Variants in BNC2 observed in about 807,000 individuals in gnomAD.
The protein encoded by BNC2 is basonuclin zinc finger protein 2, also known as zinc finger protein basonuclin-2.
In BNC2, 20 loss-of-function variants were observed where a neutral mutation model predicts 76.3. The ratio of observed to expected loss-of-function variants is 0.26; its 90% CI spans 0.18 to 0.38. BNC2 has a LOEUF of 0.38. Ranked by LOEUF, BNC2 falls within the 10% of genes least tolerant of loss-of-function variation. The pLI is 1.00. For synonymous variants in BNC2, 582 were observed against 514.8 expected (o/e 1.13, Z -1.77); for missense variants, 1,382 against 1,399.8 (o/e 0.99, Z 0.20).
intron 5 of BNC2, among the ~76,000 whole-genome samples, chr9:16,441,014 A>G (rs903837670): frequency 6.6e-6 from 1 of 152,232 alleles, no homozygotes; most frequent in African/African-American, 2.4e-5. Flanking sequence ...TGATAGTGCC[A>G]TAGGTGTCCT....
intron 3 of BNC2, among the ~76,000 whole-genome samples, chr9:16,646,881 T>G (rs1483769139): frequency 6.6e-6 from 1 of 152,170 alleles, no homozygotes; most frequent in Non-Finnish European, 1.5e-5. Flanking sequence ...TACTGGGATG[T>G]CATCCATAGC....
At chr9:16,468,915 T>C (rs1255081116) in intron 5 of BNC2, among the ~76,000 whole-genome samples, 2 of 152,168 alleles carry the variant, frequency 1.3e-5, no homozygotes, top group Non-Finnish European at 2.9e-5. Flanking sequence ...ATTGCAATTG[T>C]CAGTTTGCAT....
intron 4 of BNC2, among the ~76,000 whole-genome samples, chr9:16,557,544 C>T (rs184581657): frequency 9.9e-5 from 15 of 151,850 alleles, no homozygotes; most frequent in Admixed American, 5.2e-4. Flanking sequence ...GCAATCTAAC[C>T]AGAAGTTGCA....
intron 4 of BNC2, among the ~76,000 whole-genome samples, chr9:16,582,631 C>G (rs1344459781): frequency 6.6e-6 from 1 of 152,150 alleles, no homozygotes; most frequent in Non-Finnish European, 1.5e-5. Context: ...TTGCCAGCTT[C>G]CCTCTGAGGT....
intron 1 of BNC2, among the ~76,000 whole-genome samples, chr9:16,760,715 T>C (rs1323731007): frequency 6.6e-6 from 1 of 152,112 alleles, no homozygotes; most frequent in African/African-American, 2.4e-5. Flanking sequence ...CAATGAGTCA[T>C]TTGTGAACTC....
chr9:16,709,736 T>C (rs1001262974), intron 3 of BNC2, among the ~76,000 whole-genome samples: 6 of 152,176 alleles, frequency 3.9e-5, no homozygotes, highest in African/African-American at 1.4e-4. Context: ...AAGACTACGT[T>C]AGTAAGTTTT....
At chr9:16,516,655 C>T (rs1356343553) in intron 5 of BNC2, among the ~76,000 whole-genome samples, 1 of 151,468 alleles carries the variant, frequency 6.6e-6, no homozygotes, top group African/African-American at 2.4e-5. Context: ...ATGTGTGCTT[C>T]TTTTTTTTTC....
chr9:16,542,452 C>T (rs768505405), intron 5 of BNC2, among the ~76,000 whole-genome samples: 1 of 152,186 alleles, frequency 6.6e-6, no homozygotes, highest in East Asian at 1.9e-4. Context: ...CAGTTGCCAC[C>T]AACAAATGAA....
intron 3 of BNC2, among the ~76,000 whole-genome samples, chr9:16,715,673 TG>T (rs1358165545): frequency 6.6e-6 from 1 of 152,224 alleles, no homozygotes; most frequent in Non-Finnish European, 1.5e-5. Flanking sequence ...CATTCCCACC[TG>T]GTAACAATCG....
At chr9:16,657,272 A>G (rs1158263694) in intron 3 of BNC2, among the ~76,000 whole-genome samples, 1 of 152,246 alleles carries the variant, frequency 6.6e-6, no homozygotes, top group Non-Finnish European at 1.5e-5. Context: ...AAGATGAACT[A>G]GAAAACAAGG....
intron 1 of BNC2, among the ~76,000 whole-genome samples, chr9:16,789,885 T>G (rs1208381641): frequency 1.3e-5 from 2 of 152,360 alleles, no homozygotes; most frequent in East Asian, 3.9e-4. Context: ...CTGTCCACTT[T>G]GTTGGTATAC....
At chr9:16,665,492 G>GAC (rs1563888096) in intron 3 of BNC2, among the ~76,000 whole-genome samples, 3 of 127,990 alleles carry the variant, frequency 2.3e-5, no homozygotes, top group African/African-American at 9.3e-5. Flanking sequence ...GAAAGAAAGA[G>GAC]AGAGAGAGAA....
intron 3 of BNC2, among the ~76,000 whole-genome samples, chr9:16,700,022 T>C (rs1317310165): frequency 6.6e-6 from 1 of 152,230 alleles, no homozygotes; most frequent in Non-Finnish European, 1.5e-5. Flanking sequence ...ATCCACTTTA[T>C]CTTCTCCATC....
At chr9:16,616,740 G>A (rs1253083272) in intron 3 of BNC2, among the ~76,000 whole-genome samples, 1 of 148,296 alleles carries the variant, frequency 6.7e-6, no homozygotes, top group Non-Finnish European at 1.5e-5. Context: ...AAGAAAGGGG[G>A]AAAGGAAGGA....
chr9:16,502,552 T>C (rs201321406), intron 5 of BNC2, among the ~76,000 whole-genome samples: 34 of 148,376 alleles, frequency 2.3e-4, no homozygotes, highest in Non-Finnish European at 2.9e-4. Context: ...TTGTCTTTTT[T>C]CCCCCCCTCT....
intron 1 of BNC2, among the ~76,000 whole-genome samples, chr9:16,850,460 G>A (rs188276655): frequency 6.6e-6 from 1 of 152,340 alleles, no homozygotes; most frequent in East Asian, 1.9e-4. Flanking sequence ...TTAAGACACT[G>A]TACTTCTTCC....
At chr9:16,484,566 T>C (rs928988346) in intron 5 of BNC2, among the ~76,000 whole-genome samples, 1 of 152,190 alleles carries the variant, frequency 6.6e-6, no homozygotes, top group Non-Finnish European at 1.5e-5. Flanking sequence ...GATTAATTAA[T>C]GTACACCCCA....
intron 1 of BNC2, among the ~76,000 whole-genome samples, chr9:16,796,408 C>T (rs759779359): frequency 6.6e-6 from 1 of 152,034 alleles, no homozygotes; most frequent in Admixed American, 6.6e-5. Context: ...TGAAATAGTA[C>T]ATATTTAATG....
intron 1 of BNC2, among the ~76,000 whole-genome samples, chr9:16,793,096 C>A (rs1563945820): frequency 6.6e-6 from 1 of 152,134 alleles, no homozygotes; most frequent in Non-Finnish European, 1.5e-5. Context: ...CTGCAAGAAA[C>A]AGCTTTAATA....
Sources: gnomAD v4.1 joint callset for allele counts (sites outside exome capture counted in the v4.1 genomes callset) on GRCh38, gnomAD v4.1.1 for gene constraint, MANE v1.5 for transcripts, NCBI Gene and HGNC (gene_info 2026-07-23, HGNC 2026-07-21) for gene names.